MBD2: variants seen among roughly 807,000 people sequenced by gnomAD.
MBD2 encodes methyl-CpG-binding domain protein 2.
Under a neutral mutation model 39.3 loss-of-function variants are expected in MBD2, and 9 were observed. The observed-to-expected ratio is 0.23, with a 90% CI of 0.14 to 0.40. The LOEUF is 0.40. Among genes scored for constraint, MBD2 ranks in the 10% least tolerant of loss-of-function variants. The pLI is 1.00. For synonymous variants in MBD2, 233 were observed against 211.1 expected (o/e 1.10, Z -0.90); for missense variants, 458 against 532.6 (o/e 0.86, Z 1.38).
rs766750011 is a variant in MBD2 at position 54,159,727 on chromosome 18, C to T, written c.*12+38G>A. The T allele has an allele frequency of 2.3e-5, 37 of 1,594,830 alleles. No individual in the cohort carries two copies. The Admixed American group carries it at 3.2e-4, about 14-fold the overall frequency. On this transcript the variant is annotated intron_variant, in intron 6 of 6. Transcript: ENST00000256429. ...CACTATGTCCGGCCAAGAAAACACA[C>T]CTTAAGTTCCAAGTCACTCTCTCTG...
At chr18:54,170,215 C>T (rs1437337548) in intron 3 of MBD2, among the ~76,000 whole-genome samples, 1 of 152,146 alleles carries the variant, frequency 6.6e-6, no homozygotes, top group Non-Finnish European at 1.5e-5. Flanking sequence ...ACTTAGTGTC[C>T]CAAAGAACAA....
chr18:54,202,786 T>C (rs968386444), intron 2 of MBD2: 9 of 1,532,376 alleles, frequency 5.9e-6, no homozygotes, highest in Middle Eastern at 2.4e-4. Context: ...ATTAAGTACC[T>C]ACCGTGTGCA....
Position 54,180,897 on chromosome 18 carries a change from C to CTTTTTTTTTTTTTTTTTTTTTTTTTTTT in MBD2, c.840+7976_840+7977insAAAAAAAAAAAAAAAAAAAAAAAAAAAA, listed in dbSNP as rs1211071727. Among the ~76,000 whole-genome samples the CTTTTTTTTTTTTTTTTTTTTTTTTTTTT allele has an allele frequency of 7.6e-5, 8 of 105,358 alleles. 1 individual carries two copies. Among genetic ancestry groups the CTTTTTTTTTTTTTTTTTTTTTTTTTTTT allele is most frequent in the Non-Finnish European group, 1.1e-4 (6 of 55,308 alleles). The allele number at this position is 105,358 out of a possible 152,430, so 69.1% of individuals were successfully genotyped here. A position where few individuals can be genotyped will look rare whatever the true frequency, so the allele number is the denominator to read the frequency against. Reference sequence around the variant, plus strand: ...CAGCCTATGTATTCCTTAATTTTTTCTTTTTCTTTTTTTTTTTTTTTTTTT... The same window carrying CTTTTTTTTTTTTTTTTTTTTTTTTTTTT: ...CAGCCTATGTATTCCTTAATTTTTTCTTTTTTTTTTTTTTTTTTTTTTTTTTTTTTTTTCTTTTTTTTTTTTTTTTTTT... On this transcript the variant is annotated intron_variant, in intron 3 of 6. Transcript: ENST00000256429.
Position 54,216,908 on chromosome 18 carries a change from T to C in MBD2, c.542+7110A>G, listed in dbSNP as rs781540056. On this transcript the variant is annotated intron_variant, in intron 1 of 6. Coordinates refer to ENST00000256429, the MANE Select transcript of MBD2 (RefSeq NM_003927.5). ...GAGTTCGAGACCAGCCTGGCCAACA[T>C]GGTGAAATCTCGTCTACTAAAAATA... Among the ~76,000 whole-genome samples, 3 of 152,208 alleles carry C rather than the reference T, an allele frequency of 2.0e-5. No individual in the cohort carries two copies. The South Asian group carries it at 6.2e-4, about 32-fold the overall frequency.
intron 1 of MBD2, among the ~76,000 whole-genome samples, chr18:54,208,041 A>C (rs2144335757): frequency 6.6e-6 from 1 of 152,066 alleles, no homozygotes; most frequent in South Asian, 2.1e-4. Context: ...CTGTCTCAAA[A>C]AACAACAACA....
rs373090728 is a variant in MBD2, at chr18:54,185,794, T to A, written c.840+3080A>T. Among the ~76,000 whole-genome samples the A allele has an allele frequency of 1.6e-4, 24 of 152,240 alleles. No individual in the cohort carries two copies. The East Asian group carries it at 4.4e-3, about 28-fold the overall frequency. On this transcript the variant is annotated intron_variant, in intron 3 of 6. Coordinates refer to ENST00000256429, the MANE Select transcript of MBD2 (RefSeq NM_003927.5). ...AATCATCAAATACACTGATGCTATA[T>A]ACAAAAATGGCTGGCTACTACCCTA...
chr18:54,163,473 T>A (rs1333946282), intron 5 of MBD2, among the ~76,000 whole-genome samples: 2 of 152,152 alleles, frequency 1.3e-5, no homozygotes, highest in African/African-American at 2.4e-5. Flanking sequence ...AGTATCACTA[T>A]AAAATAATGA....
intron 1 of MBD2, among the ~76,000 whole-genome samples, chr18:54,222,646 T>C (rs2086625404): frequency 6.6e-6 from 1 of 152,200 alleles, no homozygotes; most frequent in African/African-American, 2.4e-5. Flanking sequence ...AGTTCTCCAT[T>C]TTATCATATG....
intron 3 of MBD2, among the ~76,000 whole-genome samples, chr18:54,167,605 C>G (rs2086143670): frequency 6.6e-6 from 1 of 152,184 alleles, no homozygotes; most frequent in African/African-American, 2.4e-5. Context: ...GATAATTGTC[C>G]TCCAGACAAA....
intron 2 of MBD2, among the ~76,000 whole-genome samples, chr18:54,196,878 ATTC>A (rs768521289): frequency 4.1e-4 from 62 of 152,354 alleles, no homozygotes; most frequent in Non-Finnish European, 7.5e-4. Flanking sequence ...CATGGCTAAC[ATTC>A]TTCTGTCACT....
chr18:54,189,958 A>G (rs16957932), intron 2 of MBD2, among the ~76,000 whole-genome samples: 1,810 of 152,256 alleles, frequency 0.012, 31 homozygotes, highest in African/African-American at 0.042. Context: ...CAAGAACTTT[A>G]AGGATACCAA....
At chr18:54,168,453 T>C (rs1196255138) in intron 3 of MBD2, among the ~76,000 whole-genome samples, 1 of 151,664 alleles carries the variant, frequency 6.6e-6, no homozygotes, top group African/African-American at 2.4e-5. Context: ...GGATGCCCTC[T>C]TTATAAGAGA....
At chr18:54,209,946 C>G (rs1167293875) in intron 1 of MBD2, among the ~76,000 whole-genome samples, 1 of 152,158 alleles carries the variant, frequency 6.6e-6, no homozygotes, top group Non-Finnish European at 1.5e-5. Flanking sequence ...AGTGACTAAG[C>G]TTTTATTTTA....
At chr18:54,169,884 G>T (rs76331018) in intron 3 of MBD2, among the ~76,000 whole-genome samples, 1 of 152,274 alleles carries the variant, frequency 6.6e-6, no homozygotes, top group Non-Finnish European at 1.5e-5. Flanking sequence ...CTAACCAGAC[G>T]CTCTGAGTAC....
At chr18:54,204,213 G>C (rs1257931309) in intron 2 of MBD2, among the ~76,000 whole-genome samples, 1 of 152,148 alleles carries the variant, frequency 6.6e-6, no homozygotes, top group African/African-American at 2.4e-5. Context: ...AATGGTGGTG[G>C]CAATACCCAT....
chr18:54,197,987 T>C (rs2086379316), intron 2 of MBD2, among the ~76,000 whole-genome samples: 1 of 152,152 alleles, frequency 6.6e-6, no homozygotes, highest in Non-Finnish European at 1.5e-5. Context: ...CTTTAATAAC[T>C]GACAAAAAGG....
intron 1 of MBD2, among the ~76,000 whole-genome samples, chr18:54,215,680 A>C (rs1599111281): frequency 6.6e-6 from 1 of 151,224 alleles, no homozygotes; most frequent in Non-Finnish European, 1.5e-5. Context: ...ATTTTTAGTA[A>C]AGAAGGGGTT....
chr18:54,212,671 C>T (rs975160871), intron 1 of MBD2, among the ~76,000 whole-genome samples: 2 of 149,294 alleles, frequency 1.3e-5, no homozygotes, highest in African/African-American at 4.9e-5. Context: ...CTGAAGATTT[C>T]CCCCCAAAAT....
intron 2 of MBD2, among the ~76,000 whole-genome samples, chr18:54,197,819 AAATT>A (rs543759115): frequency 1.7e-3 from 252 of 152,290 alleles, no homozygotes; most frequent in African/African-American, 5.8e-3. Flanking sequence ...TTTCAGTATC[AAATT>A]AATAGAAACC....
Sources: allele counts gnomAD v4.1 joint callset (sites outside exome capture counted in the v4.1 genomes callset), GRCh38; gene constraint gnomAD v4.1.1; transcripts MANE v1.5; gene names NCBI Gene and HGNC (gene_info 2026-07-23, HGNC 2026-07-21).